Variants in C3orf49 observed in about 807,000 individuals in gnomAD.
The protein encoded by C3orf49 is putative uncharacterized protein C3orf49.
C3orf49 carries 27 observed loss-of-function variants against 13.3 expected under a neutral mutation model. The ratio of observed to expected loss-of-function variants is 2.02; its 90% confidence interval spans 1.49 to 2.79. The LOEUF is 2.79. C3orf49 is among the 30% of genes most tolerant of loss of function. The pLI, the probability that C3orf49 is intolerant of heterozygous loss-of-function variation, is 0.00. For synonymous variants in C3orf49, 87 were observed against 47.6 expected, an observed-to-expected ratio of 1.83 and a Z score of -3.40; for missense variants, 242 against 134.2, an observed-to-expected ratio of 1.80 and a Z score of -3.97.
the C3orf49 span, among the ~76,000 whole-genome samples, chr3:63,797,663 T>A: frequency 6.6e-6 from 1 of 152,188 alleles, no homozygotes; most frequent in South Asian, 2.1e-4. Context: ...TGGCTAGCAG[T>A]CTTCCGTTTA....
At position 63,848,544 on chromosome 3, in the gene C3orf49, A is replaced by C. The variant is rs1419573850; in HGVS notation, c.*211A>C. 6.6e-6 allele frequency: 1 copy of C among 152,206 alleles called. No homozygotes were observed. Among genetic ancestry groups the C allele is most frequent in the Admixed American group, 6.5e-5 (1 of 15,274 alleles). 9.4% of individuals were successfully genotyped at this position (152,206 alleles called of 1,614,324 possible). A position where few individuals can be genotyped will look rare whatever the true frequency, so the allele number is the denominator to read the frequency against. On this transcript the variant is annotated 3_prime_UTR_variant, in exon 7 of 7. Coordinates refer to ENST00000295896, the MANE Select transcript of C3orf49 (RefSeq NM_001355236.2). ...CTGTCCCCCTAAAATGCATAAAATCAGCTGTAATTCAACCACCTTCGGCAC... is the reference window on the plus strand; with the variant it reads ...CTGTCCCCCTAAAATGCATAAAATCCGCTGTAATTCAACCACCTTCGGCAC...
chr3:63,792,387 A>G, the C3orf49 span, among the ~76,000 whole-genome samples: 1 of 152,362 alleles, frequency 6.6e-6, no homozygotes, highest in African/African-American at 2.4e-5. Context: ...TTCGGCGTGA[A>G]TAACCCAGAT....
At chr3:63,814,643 C>T (rs556830259), upstream of C3orf49, among the ~76,000 whole-genome samples, 2 of 152,162 alleles carry the variant, frequency 1.3e-5, no homozygotes, top group African/African-American at 4.8e-5. Flanking sequence ...GGAATGATCA[C>T]ACAGGGATAG....
the C3orf49 span, among the ~76,000 whole-genome samples, chr3:63,805,898 G>A: frequency 7.5e-4 from 114 of 152,282 alleles, 1 homozygote; most frequent in African/African-American, 2.6e-3. Flanking sequence ...AGAGACCCAC[G>A]GAGAACTGTC....
At chr3:63,842,947 A>G (rs1382984823) in intron 5 of C3orf49, among the ~76,000 whole-genome samples, 2 of 151,498 alleles carry the variant, frequency 1.3e-5, no homozygotes, top group African/African-American at 4.9e-5. Flanking sequence ...ATGCCTAGCT[A>G]ATTTTTGTAT....
At chr3:63,799,221 C>A in the C3orf49 span, among the ~76,000 whole-genome samples, 1 of 152,042 alleles carries the variant, frequency 6.6e-6, no homozygotes, top group East Asian at 1.9e-4. Context: ...CTTTCCAGTC[C>A]CATCCTGGAT....
intron 5 of C3orf49, among the ~76,000 whole-genome samples, chr3:63,840,282 A>G (rs541698554): frequency 5.9e-5 from 9 of 151,746 alleles, no homozygotes; most frequent in Non-Finnish European, 1.3e-4. Context: ...GCAAACTAGG[A>G]AAAAAAAATG....
the C3orf49 span, among the ~76,000 whole-genome samples, chr3:63,809,964 A>C: frequency 6.6e-6 from 1 of 152,068 alleles, no homozygotes; most frequent in Non-Finnish European, 1.5e-5. Context: ...CCTGGCTAAC[A>C]TAGTGAAATC....
upstream of C3orf49, among the ~76,000 whole-genome samples, chr3:63,817,854 G>C (rs1449568479): frequency 6.6e-6 from 1 of 152,064 alleles, no homozygotes; most frequent in East Asian, 1.9e-4. Flanking sequence ...GTCTTTCCTA[G>C]CATAAAATTC....
At chr3:63,791,442 T>G in the C3orf49 span, among the ~76,000 whole-genome samples, 1 of 152,180 alleles carries the variant, frequency 6.6e-6, no homozygotes, top group Non-Finnish European at 1.5e-5. Flanking sequence ...AGCATTGTAC[T>G]GAGAGAAAAG....
intron 2 of C3orf49, among the ~76,000 whole-genome samples, chr3:63,826,210 G>A (rs572466689): frequency 9.2e-5 from 14 of 152,258 alleles, no homozygotes; most frequent in African/African-American, 2.9e-4. Context: ...TTTCAAGCTG[G>A]GGATTTATAT....
chr3:63,816,764 C>CTTTTTTTTTTT (rs757549553), upstream of C3orf49, among the ~76,000 whole-genome samples: 14 of 80,710 alleles, frequency 1.7e-4, no homozygotes, highest in African/African-American at 5.7e-4. Context: ...ATTTTCTTTT[C>CTTTTTTTTTTT]TTTTCTTTTT....
chr3:63,783,201 G>C, the C3orf49 span: 4 of 152,022 alleles, frequency 2.6e-5, no homozygotes, highest in Non-Finnish European at 5.9e-5. Flanking sequence ...TATCCCTTCA[G>C]AAAAATAAAA....
chr3:63,788,165 T>C, the C3orf49 span, among the ~76,000 whole-genome samples: 3 of 152,210 alleles, frequency 2.0e-5, no homozygotes, highest in Non-Finnish European at 4.4e-5. Context: ...ACTCTGACCC[T>C]GTGCTCAGGT....
chr3:63,815,771 CTT>C (rs1227837780), upstream of C3orf49, among the ~76,000 whole-genome samples: 17 of 136,536 alleles, frequency 1.2e-4, no homozygotes, highest in Admixed American at 2.2e-4. Context: ...TCTTTTCTTT[CTT>C]TTTTTTTTTT....
chr3:63,830,895 G>A (rs919154086), intron 3 of C3orf49, among the ~76,000 whole-genome samples: 3 of 152,126 alleles, frequency 2.0e-5, no homozygotes, highest in Non-Finnish European at 4.4e-5. Flanking sequence ...TCATTTCTCT[G>A]TACCCTATAG....
At chr3:63,805,831 A>T in the C3orf49 span, among the ~76,000 whole-genome samples, 1 of 152,240 alleles carries the variant, frequency 6.6e-6, no homozygotes, top group Non-Finnish European at 1.5e-5. Context: ...TGCTTAAAAA[A>T]AATTGTCCAG....
At chr3:63,815,049 C>T (rs956073068), upstream of C3orf49, among the ~76,000 whole-genome samples, 3 of 152,122 alleles carry the variant, frequency 2.0e-5, no homozygotes, top group Non-Finnish European at 4.4e-5. Flanking sequence ...GAGTGCCACG[C>T]ACTTTTAAAC....
At chr3:63,788,953 A>G in the C3orf49 span, among the ~76,000 whole-genome samples, 2 of 151,894 alleles carry the variant, frequency 1.3e-5, no homozygotes, top group Admixed American at 6.6e-5. Flanking sequence ...TTTTTTTCCT[A>G]ATAGAAAAAT....
Sources: gnomAD v4.1 joint callset for allele counts (sites outside exome capture counted in the v4.1 genomes callset) on GRCh38, gnomAD v4.1.1 for gene constraint, MANE v1.5 for transcripts, NCBI Gene and HGNC (gene_info 2026-07-23, HGNC 2026-07-21) for gene names.